The following SFXN5 variants were observed in gnomAD, a reference collection of about 807,000 sequenced individuals.
SFXN5 encodes sideroflexin 5.
In SFXN5, 43 loss-of-function variants were observed where a neutral mutation model predicts 50.2. The ratio of observed to expected loss-of-function variants is 0.86; its 90% confidence interval spans 0.67 to 1.11. The LOEUF (loss-of-function observed/expected upper bound fraction) is 1.11, where lower values mean the gene tolerates loss of function less well. Among genes scored for constraint, SFXN5 ranks in the 50% least tolerant of loss-of-function variants. The pLI is 0.00. For missense variants in SFXN5, 463 were observed against 454.1 expected (o/e 1.02, Z -0.18); for synonymous variants, 203 against 185.8 (o/e 1.09, Z -0.75).
rs1347877228 is a variant in SFXN5 at position 72,999,000 on chromosome 2, G to A, written c.483C>T (p.Ser161=). Residue 161 remains serine, a synonymous_variant, in exon 9 of 14, where the codon TCC becomes TCT. Coordinates refer to ENST00000272433, the MANE Select transcript of SFXN5 (RefSeq NM_144579.3). ...CTCCCAGGTATCCCTGGATGAACTT[G>A]GATGCAGGTGAAGGCTGGAAAACAG... ...NRNATKPSPA[S]KFIQGYLGAV... 1 of 1,614,142 alleles carries A rather than the reference G, an allele frequency of 6.2e-7. No individual in the cohort carries two copies. The highest frequency in any genetic ancestry group is 1.1e-5 in the South Asian group (1 of 91,050).
rs934784345 is a variant in SFXN5, at chr2:72,962,197, G to A, written c.828-949C>T. ...CTATTTGCCAGGGGGTGTTGGGCAG[G>A]CACTAAATCTGACCTCAGTAACTGT... On this transcript the variant is annotated intron_variant, in intron 12 of 13. Transcript: ENST00000272433. Among the ~76,000 whole-genome samples, 5 of 152,242 alleles carry A rather than the reference G, an allele frequency of 3.3e-5. No homozygotes were observed. In the East Asian group the frequency reaches 9.6e-4, roughly 29 times the overall value.
At chr2:73,055,264 T>C (rs933307125) in intron 2 of SFXN5, among the ~76,000 whole-genome samples, 2 of 152,250 alleles carry the variant, frequency 1.3e-5, no homozygotes, top group African/African-American at 4.8e-5. Flanking sequence ...CTCAAGTTAT[T>C]TGAACAGGAA....
Position 72,960,024 on chromosome 2 carries a change from C to T in SFXN5, c.945+1107G>A, listed in dbSNP as rs190174637. Among the ~76,000 whole-genome samples, 28 of 152,200 alleles carry T rather than the reference C, an allele frequency of 1.8e-4. No homozygotes were observed. Among genetic ancestry groups the T allele is most frequent in the Non-Finnish European group, 2.6e-4 (18 of 67,996 alleles). ...AGGGTCTGACCCTGTGGATGCCCCCCACCCACCCTGATCACACATGGCCCG... is the reference window on the plus strand; with the variant it reads ...AGGGTCTGACCCTGTGGATGCCCCCTACCCACCCTGATCACACATGGCCCG... On this transcript the variant is annotated intron_variant, in intron 13 of 13. Coordinates refer to ENST00000272433, the MANE Select transcript of SFXN5 (RefSeq NM_144579.3). This position sits in a 1 kb window ranked among gnomAD's most constrained non-coding sequence, Gnocchi z 6.1.
intron 11 of SFXN5, 25 bp downstream of exon 11, chr2:72,971,545 C>T: frequency 2.5e-6 from 4 of 1,588,014 alleles, no homozygotes; most frequent in Non-Finnish European, 3.5e-6. Context: ...CTGGCCTCCC[C>T]AACCCTGCGA....
intron 8 of SFXN5, among the ~76,000 whole-genome samples, chr2:73,000,074 C>T (rs1446515027): frequency 6.6e-6 from 1 of 152,150 alleles, no homozygotes; most frequent in Non-Finnish European, 1.5e-5. Flanking sequence ...GGGAATTTTG[C>T]CCCCAAGTAG....
At chr2:73,039,159 C>T (rs1679304299) in intron 3 of SFXN5, among the ~76,000 whole-genome samples, 1 of 152,160 alleles carries the variant, frequency 6.6e-6, no homozygotes, top group Non-Finnish European at 1.5e-5. Context: ...AACTCCTGAC[C>T]TCAAGTGATC....
intron 13 of SFXN5, among the ~76,000 whole-genome samples, chr2:72,957,722 T>C (rs1006007493): frequency 2.0e-5 from 3 of 151,918 alleles, no homozygotes; most frequent in African/African-American, 4.8e-5. Context: ...ATTGGGAGAG[T>C]GAATGCGGAA....
At chr2:72,966,282 C>G (rs893984671) in intron 12 of SFXN5, among the ~76,000 whole-genome samples, 5 of 152,184 alleles carry the variant, frequency 3.3e-5, no homozygotes, top group Admixed American at 6.5e-5. Context: ...GTACAAGTAA[C>G]AGAGTAAGCA....
chr2:72,976,681 T>C (rs1670651436), intron 10 of SFXN5, among the ~76,000 whole-genome samples: 1 of 152,212 alleles, frequency 6.6e-6, no homozygotes, highest in Non-Finnish European at 1.5e-5. Context: ...TCCAACTCTG[T>C]GGTACTAAAG....
At chr2:72,955,127 C>T (rs1282849286) in intron 13 of SFXN5, among the ~76,000 whole-genome samples, 1 of 152,212 alleles carries the variant, frequency 6.6e-6, no homozygotes, top group African/African-American at 2.4e-5. Context: ...CCGTACCTCA[C>T]TCATCCACAG....
chr2:73,031,444 T>C (rs966500170), intron 3 of SFXN5, among the ~76,000 whole-genome samples: 4 of 151,724 alleles, frequency 2.6e-5, no homozygotes, highest in African/African-American at 7.3e-5. Context: ...CACCTGGAAC[T>C]TGAGCTGTTA....
At chr2:73,017,741 A>G (rs535926400) in intron 6 of SFXN5, among the ~76,000 whole-genome samples, 2 of 152,224 alleles carry the variant, frequency 1.3e-5, no homozygotes, top group South Asian at 4.2e-4. Context: ...ATCAGTATAA[A>G]CTCATGAATT....
chr2:73,019,386 C>G (rs1180030819), intron 6 of SFXN5: 1 of 150,106 alleles, frequency 6.7e-6, no homozygotes, highest in Non-Finnish European at 1.5e-5. Flanking sequence ...GATTCCTTAC[C>G]TAAGTGATGT....
In SFXN5 at chr2:72,942,798, A is replaced by T. The variant is rs1167227612; in HGVS notation, c.*2224T>A. 1 of 141,854 alleles carries T rather than the reference A, an allele frequency of 7.0e-6. No individual in the cohort carries two copies. 8.8% of individuals were successfully genotyped at this position (141,854 alleles called of 1,614,324 possible). A position where few individuals can be genotyped will look rare whatever the true frequency, so the allele number is the denominator to read the frequency against. Reference sequence around the variant, plus strand: ...ATCCGGGAGACAAAGCAAATGAGTTATGAGATGCTGAGGCCACAGGCTGGG... The same window carrying T: ...ATCCGGGAGACAAAGCAAATGAGTTTTGAGATGCTGAGGCCACAGGCTGGG... On this transcript the variant is annotated 3_prime_UTR_variant, in exon 14 of 14. Coordinates refer to ENST00000272433, the MANE Select transcript of SFXN5 (RefSeq NM_144579.3).
rs756281703 is a variant in SFXN5, at chr2:72,961,229, G to A, written c.847C>T (p.Arg283Cys). The change falls in exon 13 of 14, where the codon CGC (arginine) becomes TGC (cysteine). Residue 283 changes from arginine to cysteine, a missense_variant. Coordinates refer to ENST00000272433, the MANE Select transcript of SFXN5 (RefSeq NM_144579.3). This position sits in a 1 kb window ranked among gnomAD's most constrained non-coding sequence, Gnocchi z 4.4. ...MLEKTALLQA[R>C]PRLLLPVQSL... ...TGCACAGGGAGGAGCAGCCGGGGGC[G>A]TGCCTGCAGGAGAGCCGTCCTGTGA... is the stretch of plus-strand genomic sequence containing the variant. The A allele has an allele frequency of 1.0e-5, 16 of 1,536,734 alleles. No homozygotes were observed. Among genetic ancestry groups the A allele is most frequent in the South Asian group, 2.4e-5 (2 of 83,162 alleles).
intron 10 of SFXN5, among the ~76,000 whole-genome samples, chr2:72,982,794 A>G (rs1671475263): frequency 6.6e-6 from 1 of 152,226 alleles, no homozygotes; most frequent in South Asian, 2.1e-4. Flanking sequence ...GTATCCAGAC[A>G]TCAGGGCCAC....
Position 73,065,431 on chromosome 2 carries a change from G to A in SFXN5, c.102+6173C>T, listed in dbSNP as rs1036653392. ...ATTTTTTTTTTTGAGATAGAGTTTC[G>A]CTCTTGTTGCCCAGGCTGGAGTGCA... On this transcript the variant is annotated intron_variant, in intron 1 of 13. Coordinates refer to ENST00000272433, the MANE Select transcript of SFXN5 (RefSeq NM_144579.3). 1.2e-4 allele frequency among the ~76,000 whole-genome samples: 18 copies of A among 150,726 alleles called. No individual in the cohort carries two copies. The South Asian group carries it at 1.9e-3, about 16-fold the overall frequency.
intron 9 of SFXN5, among the ~76,000 whole-genome samples, chr2:72,993,980 A>T (rs1177015988): frequency 6.6e-6 from 1 of 152,190 alleles, no homozygotes; most frequent in Non-Finnish European, 1.5e-5. Context: ...AATGTCTCCC[A>T]GTCCCCACTG....
At chr2:72,962,708 T>C (rs1209563212) in intron 12 of SFXN5, among the ~76,000 whole-genome samples, 1 of 152,186 alleles carries the variant, frequency 6.6e-6, no homozygotes, top group Non-Finnish European at 1.5e-5. Flanking sequence ...ACACAGTAAG[T>C]GCTCAGAAAT....
Sources: allele counts gnomAD v4.1 joint callset (sites outside exome capture counted in the v4.1 genomes callset), GRCh38; gene constraint gnomAD v4.1.1; non-coding constraint Gnocchi (gnomAD v3.1); transcripts MANE v1.5; gene names NCBI Gene and HGNC (gene_info 2026-07-23, HGNC 2026-07-21).